TTC21B: variants seen among roughly 807,000 people sequenced by gnomAD.
TTC21B encodes tetratricopeptide repeat protein 21B.
In TTC21B, 127 loss-of-function variants were observed where a neutral mutation model predicts 175.1. That is an observed-to-expected ratio of 0.73 (90% confidence interval 0.63 to 0.84). The LOEUF (loss-of-function observed/expected upper bound fraction) is 0.84. Ranked by LOEUF, TTC21B falls within the 40% of genes least tolerant of loss-of-function variation. The pLI, the probability that TTC21B is intolerant of heterozygous loss-of-function variation, is 0.00. For missense variants in TTC21B, 1,561 were observed against 1,558.3 expected (o/e 1.00, Z -0.03); for synonymous variants, 524 against 524.5 (o/e 1.00, Z 0.01).
intron 12 of TTC21B, among the ~76,000 whole-genome samples, chr2:165,921,064 T>C (rs901255226): frequency 6.6e-6 from 1 of 152,196 alleles, no homozygotes; most frequent in Non-Finnish European, 1.5e-5. Flanking sequence ...TTATTCATTA[T>C]GGACCCTGAT....
chr2:165,923,837 A>T (rs1340093826), intron 12 of TTC21B, among the ~76,000 whole-genome samples: 1 of 146,752 alleles, frequency 6.8e-6, no homozygotes, highest in Non-Finnish European at 1.5e-5. Context: ...TGCAGCCTCA[A>T]CCTCCCTGGG....
chr2:165,893,941 T>C (rs1389581352), intron 22 of TTC21B, among the ~76,000 whole-genome samples: 1 of 152,230 alleles, frequency 6.6e-6, no homozygotes, highest in Non-Finnish European at 1.5e-5. Context: ...ATATTATTAT[T>C]AAAATAATGC....
At position 165,890,927 on chromosome 2, in the gene TTC21B, A is replaced by G; in HGVS notation, c.3012T>C (p.Asp1004=). Residue 1004 remains aspartate (D), a synonymous_variant, in exon 23 of 29, where the codon GAT becomes GAC. Coordinates refer to ENST00000243344, the MANE Select transcript of TTC21B (RefSeq NM_024753.5). ...DLLRRCGKLE[D]VPRFFSMAEK... is the part of the protein sequence containing the mutation. ...CAGCCATTGAGAAAAATCTTGGGACATCCTCGAGTTTTCCACATCTTCTTA... is the reference window on the plus strand; with the variant it reads ...CAGCCATTGAGAAAAATCTTGGGACGTCCTCGAGTTTTCCACATCTTCTTA... 2 of 1,613,366 alleles carry G rather than the reference A, an allele frequency of 1.2e-6. No homozygotes were observed. Among genetic ancestry groups the G allele is most frequent in the Non-Finnish European group, 1.7e-6 (2 of 1,179,476 alleles).
chr2:165,887,274 C>A (rs1685026437), intron 25 of TTC21B, among the ~76,000 whole-genome samples: 1 of 152,154 alleles, frequency 6.6e-6, no homozygotes, highest in African/African-American at 2.4e-5. Context: ...TGGCCTACAG[C>A]ATCATTGAAT....
chr2:165,921,663 AC>A (rs1388085563), intron 12 of TTC21B, among the ~76,000 whole-genome samples: 1 of 151,956 alleles, frequency 6.6e-6, no homozygotes, highest in Non-Finnish European at 1.5e-5. Flanking sequence ...TGTGCCCTTA[AC>A]CTTTGATGTT....
At chr2:165,883,713 TG>T in intron 26 of TTC21B, 80 bp downstream of exon 26, 4 of 1,103,368 alleles carry the variant, frequency 3.6e-6, no homozygotes, top group African/African-American at 1.5e-5. Context: ...TCCTTGGAAA[TG>T]GACTAACACT....
At position 165,903,386 on chromosome 2, in the gene TTC21B, A is replaced by C. The variant is rs192449933; in HGVS notation, c.2569-1476T>G. 2.2e-4 allele frequency among the ~76,000 whole-genome samples: 34 copies of C among 152,332 alleles called. No individual in the cohort carries two copies. The East Asian group carries it at 5.8e-3, about 26-fold the overall frequency. On this transcript the variant is annotated intron_variant, in intron 19 of 28. Coordinates refer to ENST00000243344, the MANE Select transcript of TTC21B (RefSeq NM_024753.5). ...ATTAGAAGAAAAAATGGCTGGAAAG[A>C]TATAGAGAATATACAACAGGTAAGC...
rs1314899783 is a variant in TTC21B, at chr2:165,941,151, C to G, written c.586G>C (p.Gly196Arg). 6.2e-7 allele frequency: 1 copy of G among 1,613,886 alleles called. No homozygotes were observed. Among genetic ancestry groups the G allele is most frequent in the African/African-American group, 1.3e-5 (1 of 75,028 alleles). The change falls in exon 6 of 29, where the codon GGT becomes CGT. Residue 196 changes from glycine to arginine, a missense_variant. Coordinates refer to ENST00000243344, the MANE Select transcript of TTC21B (RefSeq NM_024753.5). ...ATCTGGTTCACAGTCTCCAGGGCACCTGAATAATTCTGGCGCATCTCAAGG... is the reference window on the plus strand; with the variant it reads ...ATCTGGTTCACAGTCTCCAGGGCACGTGAATAATTCTGGCGCATCTCAAGG... ...QCLEMRQNYSGALETVNQIIV... is the reference protein window; with the variant it reads ...QCLEMRQNYSRALETVNQIIV...
intron 18 of TTC21B, 141 bp downstream of exon 18, chr2:165,911,186 C>T (rs980962261): frequency 1.3e-5 from 13 of 1,002,088 alleles, no homozygotes; most frequent in Non-Finnish European, 1.7e-5. Context: ...GAGTGGCATT[C>T]TGATAAAAGA....
At chr2:165,936,067 C>T (rs558404688) in intron 6 of TTC21B, among the ~76,000 whole-genome samples, 2 of 151,636 alleles carry the variant, frequency 1.3e-5, no homozygotes, top group East Asian at 1.9e-4. Flanking sequence ...TCAAGACTTA[C>T]TATAAAGCTT....
At chr2:165,907,825 T>A in intron 18 of TTC21B, 41 bp from the exon 19 acceptor site, 1 of 1,337,758 alleles carries the variant, frequency 7.5e-7, no homozygotes, top group Non-Finnish European at 1.1e-6. Flanking sequence ...TTATTCATCT[T>A]AAATAAATGT....
chr2:165,875,814 CT>C (rs398060734), intron 28 of TTC21B, among the ~76,000 whole-genome samples: 178 of 144,254 alleles, frequency 1.2e-3, no homozygotes, highest in Non-Finnish European at 1.1e-3. Context: ...TGGTCTTTGT[CT>C]TTTTTTTTTT....
In TTC21B at chr2:165,931,797, A is replaced by G. The variant is rs1686919116; in HGVS notation, c.855T>C (p.Ala285=). Residue 285 remains alanine, a synonymous_variant, in exon 8 of 29, where the codon GCT becomes GCC. Coordinates refer to ENST00000243344, the MANE Select transcript of TTC21B (RefSeq NM_024753.5). ...NTLDAMEPQN[A]QLFYNITLAF... ...CGAGTGTAATGTTATAGAAAAGTTG[A>G]GCATTCTGTGGTTCCATGGCATCCA... is the stretch of plus-strand genomic sequence containing the variant. 1.2e-6 allele frequency: 2 copies of G among 1,613,668 alleles called. No homozygotes were observed. Among genetic ancestry groups the G allele is most frequent in the Non-Finnish European group, 8.5e-7 (1 of 1,179,658 alleles).
At chr2:165,901,411 C>T (rs1685554320) in intron 20 of TTC21B, among the ~76,000 whole-genome samples, 1 of 152,050 alleles carries the variant, frequency 6.6e-6, no homozygotes, top group African/African-American at 2.4e-5. Flanking sequence ...CTCTCCGCCT[C>T]CCAGGTTCAA....
At chr2:165,933,740 A>G (rs6707339) in intron 6 of TTC21B, 3,951 of 152,298 alleles carry the variant, frequency 0.026, 177 homozygotes, top group African/African-American at 0.09. Context: ...GTAACTAACT[A>G]CAAAAGTTGG....
intron 1 of TTC21B, 68 bp downstream of exon 1, chr2:165,953,617 G>A (rs868096570): frequency 3.4e-5 from 52 of 1,524,028 alleles, no homozygotes; most frequent in Middle Eastern, 2.3e-4. Flanking sequence ...CCGCGCCCCC[G>A]GGCCAAAAGG....
At chr2:165,945,462 G>C in intron 4 of TTC21B, 62 bp downstream of exon 4, 1 of 1,443,232 alleles carries the variant, frequency 6.9e-7, no homozygotes. Flanking sequence ...AGATACTACT[G>C]GATATATCAA....
chr2:165,931,915 A>C (rs1686925008), intron 7 of TTC21B, 59 bp from the exon 8 acceptor site: 1 of 1,101,576 alleles, frequency 9.1e-7, no homozygotes, highest in African/African-American at 1.5e-5. Flanking sequence ...AACATAATAC[A>C]TGCACATACA....
At chr2:165,922,848 C>T (rs1334703489) in intron 12 of TTC21B, among the ~76,000 whole-genome samples, 4 of 152,014 alleles carry the variant, frequency 2.6e-5, no homozygotes, top group African/African-American at 4.8e-5. Flanking sequence ...GTCCATCAAC[C>T]GATGAGTGGA....
Sources: gnomAD v4.1 joint callset for allele counts (sites outside exome capture counted in the v4.1 genomes callset) on GRCh38, gnomAD v4.1.1 for gene constraint, MANE v1.5 for transcripts, NCBI Gene and HGNC (gene_info 2026-07-23, HGNC 2026-07-21) for gene names.